The following TRIT1 variants were observed in gnomAD, a reference collection of about 807,000 sequenced individuals.
The protein encoded by TRIT1 is tRNA isopentenyltransferase 1.
TRIT1 carries 43 observed loss-of-function variants against 51.2 expected under a neutral mutation model. The ratio of observed to expected loss-of-function variants is 0.84; its 90% CI spans 0.66 to 1.08. The LOEUF is 1.08. TRIT1 is among the 50% of genes least tolerant of loss of function. The probability of loss-of-function intolerance (pLI) is 0.00; values close to 1 mark genes in which losing one functional copy is unlikely to be tolerated. For synonymous variants in TRIT1, 184 were observed against 203.9 expected (o/e 0.90, Z 0.83); for missense variants, 528 against 578.4 (o/e 0.91, Z 0.89).
chr1:39,857,366 T>C lies in TRIT1; in HGVS notation c.226A>G (p.Arg76Gly). The C allele has an allele frequency of 6.2e-7, 1 of 1,614,228 alleles. No individual in the cohort carries two copies. The highest frequency in any genetic ancestry group is 8.5e-7 in the Non-Finnish European group (1 of 1,180,030). ...ITNKVSAQEQ[R>G]ICRHHMISFV... ...CTGATCATGTGGTGCCGGCAGATTC[T>C]CTGCTCTTGGGCAGAAACCTTGTTG... is the stretch of plus-strand genomic sequence containing the variant. The change falls in exon 2 of 11, where the codon AGA becomes GGA. Residue 76 changes from arginine to glycine, a missense_variant. Arg to Gly is a moderately radical substitution (Grantham distance 125). Transcript: ENST00000316891.
chr1:39,857,440 G>A (rs1354323933), intron 1 of TRIT1, 23 bp from the exon 2 acceptor site: 14 of 1,604,226 alleles, frequency 8.7e-6, no homozygotes, highest in African/African-American at 2.7e-5. Flanking sequence ...AAATTAACAT[G>A]AGAAAGTCAA....
intron 2 of TRIT1, among the ~76,000 whole-genome samples, chr1:39,856,132 C>A (rs1353265216): frequency 6.6e-6 from 1 of 152,050 alleles, no homozygotes; most frequent in African/African-American, 2.4e-5. Context: ...TGGTGAAACC[C>A]CGTCTCTACC....
intron 7 of TRIT1, 49 bp from the exon 8 acceptor site, chr1:39,847,346 C>G (rs75996803): frequency 0.033 from 51,996 of 1,555,398 alleles, 1,001 homozygotes; most frequent in South Asian, 0.053. Context: ...ACTCCTTACC[C>G]TGCAGAGAGG....
intron 9 of TRIT1, 84 bp downstream of exon 9, chr1:39,844,447 G>C: frequency 8.8e-7 from 1 of 1,134,570 alleles, no homozygotes; most frequent in Non-Finnish European, 1.3e-6. Context: ...AGAAGGCCTG[G>C]TTCTTCAATA....
chr1:39,861,920 T>C (rs1426315696), intron 1 of TRIT1, among the ~76,000 whole-genome samples: 2 of 134,904 alleles, frequency 1.5e-5, no homozygotes, highest in Non-Finnish European at 3.1e-5. Context: ...CAAGGCTCTG[T>C]CTCAAAAAAA....
chr1:39,856,467 G>C (rs914511067), intron 2 of TRIT1, among the ~76,000 whole-genome samples: 3 of 133,526 alleles, frequency 2.2e-5, no homozygotes, highest in Non-Finnish European at 3.1e-5. Flanking sequence ...CTAGGCAACA[G>C]AGTGAGACTG....
chr1:39,853,462 T>C (rs1202289380), intron 3 of TRIT1, among the ~76,000 whole-genome samples: 2 of 151,988 alleles, frequency 1.3e-5, no homozygotes, highest in Admixed American at 1.3e-4. Flanking sequence ...AGTGGCGCAA[T>C]CTCAGCTCAC....
intron 10 of TRIT1, among the ~76,000 whole-genome samples, chr1:39,843,370 G>C (rs924103690): frequency 1.6e-4 from 25 of 152,278 alleles, no homozygotes; most frequent in Admixed American, 1.6e-3. Flanking sequence ...CAAGGCTTGG[G>C]GAAGAAGTCC....
intron 1 of TRIT1, among the ~76,000 whole-genome samples, chr1:39,859,654 CCT>C (rs552925708): frequency 1.1e-4 from 17 of 151,036 alleles, no homozygotes; most frequent in East Asian, 9.7e-4. Context: ...ACTGTTTATT[CCT>C]CTCTCTCTCT....
At position 39,880,685 on chromosome 1, in the gene TRIT1, G is replaced by A. The variant is rs1420819564; in HGVS notation, c.174+2633C>T. Among the ~76,000 whole-genome samples, 7 of 152,016 alleles carry A rather than the reference G, an allele frequency of 4.6e-5. No individual in the cohort carries two copies. The East Asian group carries it at 5.8e-4, about 13-fold the overall frequency. On this transcript the variant is annotated intron_variant, in intron 1 of 10. Transcript: ENST00000316891. ...ATGGTGGCGGGCGTCTGTAATTCCA[G>A]CTACTCGGGAGGCTGAGGCAGGAGA...
intron 1 of TRIT1, among the ~76,000 whole-genome samples, chr1:39,861,936 A>G (rs1570062678): frequency 6.6e-6 from 1 of 151,828 alleles, no homozygotes; most frequent in Non-Finnish European, 1.5e-5. Flanking sequence ...AAAAAAAAAA[A>G]AAAGAAAAAG....
At chr1:39,873,171 T>G (rs1643935676) in intron 1 of TRIT1, among the ~76,000 whole-genome samples, 1 of 151,896 alleles carries the variant, frequency 6.6e-6, no homozygotes, top group Non-Finnish European at 1.5e-5. Flanking sequence ...AAAAGAAAAA[T>G]AACACAAAAA....
chr1:39,853,415 G>C (rs183718065), intron 3 of TRIT1, among the ~76,000 whole-genome samples: 3,897 of 133,820 alleles, frequency 0.029, 178 homozygotes, highest in African/African-American at 0.11. Flanking sequence ...TTTTTTTTTT[G>C]AGACAGGGTC....
intron 1 of TRIT1, among the ~76,000 whole-genome samples, chr1:39,862,321 A>C (rs1187663460): frequency 3.9e-5 from 6 of 152,134 alleles, no homozygotes; most frequent in Admixed American, 6.5e-5. Flanking sequence ...TTTAAAAAAA[A>C]AAAAAAAAAG....
intron 8 of TRIT1, 25 bp downstream of exon 8, chr1:39,847,195 G>A (rs772337382): frequency 6.2e-7 from 1 of 1,603,218 alleles, no homozygotes; most frequent in South Asian, 1.1e-5. Flanking sequence ...CAGACCCATA[G>A]GATAAAGAAA....
intron 9 of TRIT1, 97 bp downstream of exon 9, chr1:39,844,434 A>C: frequency 9.6e-7 from 1 of 1,045,300 alleles, no homozygotes; most frequent in Non-Finnish European, 1.5e-6. Flanking sequence ...TATTCTATGG[A>C]AAAGAAGGCC....
chr1:39,874,431 A>G (rs2124677643), intron 1 of TRIT1, among the ~76,000 whole-genome samples: 1 of 152,306 alleles, frequency 6.6e-6, no homozygotes, highest in Non-Finnish European at 1.5e-5. Context: ...AGCTATATAC[A>G]TTAACATATA....
At chr1:39,847,519 A>C (rs773036284) in intron 7 of TRIT1, 29 bp downstream of exon 7, 1 of 1,610,806 alleles carries the variant, frequency 6.2e-7, no homozygotes, top group Non-Finnish European at 8.5e-7. Context: ...AAAGATGTCC[A>C]AGACTAGATT....
chr1:39,874,846 T>A (rs546968437), intron 1 of TRIT1, among the ~76,000 whole-genome samples: 1 of 152,074 alleles, frequency 6.6e-6, no homozygotes, highest in Admixed American at 6.6e-5. Context: ...TTTTGTATTT[T>A]TAGTGGAGAT....
Sources: gnomAD v4.1 joint callset for allele counts (sites outside exome capture counted in the v4.1 genomes callset) on GRCh38, gnomAD v4.1.1 for gene constraint, MANE v1.5 for transcripts, NCBI Gene and HGNC (gene_info 2026-07-23, HGNC 2026-07-21) for gene names.